The following PTPRJ variants were observed in gnomAD, a reference collection of about 807,000 sequenced individuals.
PTPRJ encodes receptor-type tyrosine-protein phosphatase eta.
A neutral mutation model predicts 141.3 loss-of-function variants in PTPRJ; 129 were observed. The ratio of observed to expected loss-of-function variants is 0.91; its 90% CI spans 0.79 to 1.06. The LOEUF (loss-of-function observed/expected upper bound fraction) is 1.06, where lower values mean the gene tolerates loss of function less well. PTPRJ is among the 50% of genes least tolerant of loss of function. PTPRJ has a pLI of 0.00. For synonymous variants in PTPRJ, 610 were observed against 640.5 expected, an observed-to-expected ratio of 0.95 and a Z score of 0.72; for missense variants, 1,601 against 1,679.7, an observed-to-expected ratio of 0.95 and a Z score of 0.82.
rs200185493 is a variant in PTPRJ at position 48,143,029 on chromosome 11, G to A, written c.2554G>A (p.Val852Ile). 6.2e-7 allele frequency: 1 copy of A among 1,614,138 alleles called. No homozygotes were observed. Among genetic ancestry groups the A allele is most frequent in the South Asian group, 1.1e-5 (1 of 91,074 alleles). Residue 852 changes from valine to isoleucine, a missense_variant, in exon 12 of 25, where the codon GTC becomes ATC. Coordinates refer to ENST00000418331, the MANE Select transcript of PTPRJ (RefSeq NM_002843.4). The stretch of plus-strand genomic sequence containing the variant: ...CCACGGACCCATCAAAGCCTATGCT[G>A]TCATTCTCACCACCGGGGAAGGTAA... ...ASHGPIKAYA[V>I]ILTTGEAGHP...
At chr11:48,149,789 A>G in intron 16 of PTPRJ, 1 of 572,858 alleles carries the variant, frequency 1.7e-6, no homozygotes, top group South Asian at 2.4e-5. Context: ...AAGTCACAAA[A>G]CCAATTAGTT....
At chr11:48,028,517 G>A (rs1020804437) in intron 1 of PTPRJ, among the ~76,000 whole-genome samples, 4 of 152,164 alleles carry the variant, frequency 2.6e-5, no homozygotes, top group African/African-American at 9.7e-5. Flanking sequence ...GCTGCTGGGC[G>A]TGGTGGCTCA....
At chr11:48,029,267 TG>T (rs1853915790) in intron 1 of PTPRJ, among the ~76,000 whole-genome samples, 1 of 152,244 alleles carries the variant, frequency 6.6e-6, no homozygotes, top group Non-Finnish European at 1.5e-5. Flanking sequence ...CATTGCATAT[TG>T]GTTCAATTAC....
intron 1 of PTPRJ, among the ~76,000 whole-genome samples, chr11:47,997,256 C>G (rs1461604593): frequency 6.6e-6 from 1 of 152,232 alleles, no homozygotes. Context: ...GCAAACTACC[C>G]TTGCTGTAGG....
chr11:47,994,173 TA>T (rs1209531946), intron 1 of PTPRJ, among the ~76,000 whole-genome samples: 4 of 151,536 alleles, frequency 2.6e-5, no homozygotes, highest in Non-Finnish European at 5.9e-5. Flanking sequence ...TTTTTTTTTT[TA>T]ATATAAAAAA....
intron 1 of PTPRJ, among the ~76,000 whole-genome samples, chr11:48,013,012 G>A (rs964343268): frequency 6.7e-6 from 1 of 150,342 alleles, no homozygotes; most frequent in Admixed American, 6.7e-5. Context: ...GGTGGAGACA[G>A]GAGAATTTCT....
chr11:47,986,664 G>A (rs919687585), intron 1 of PTPRJ, among the ~76,000 whole-genome samples: 7 of 152,090 alleles, frequency 4.6e-5, no homozygotes, highest in African/African-American at 1.2e-4. Flanking sequence ...CTACAGGCAC[G>A]CTCCGTCATG....
At chr11:48,054,275 G>A (rs1165703630) in intron 1 of PTPRJ, among the ~76,000 whole-genome samples, 1 of 152,134 alleles carries the variant, frequency 6.6e-6, no homozygotes, top group African/African-American at 2.4e-5. Context: ...ACATGTCTGG[G>A]GCTAGACTTG....
At chr11:48,164,609 C>A in intron 24 of PTPRJ, 94 bp downstream of exon 24, 1 of 1,317,260 alleles carries the variant, frequency 7.6e-7, no homozygotes. Flanking sequence ...CTCTGTCGCC[C>A]AGGCTGGAGT....
intron 1 of PTPRJ, among the ~76,000 whole-genome samples, chr11:48,006,477 A>C (rs1219210470): frequency 6.6e-6 from 1 of 152,132 alleles, no homozygotes; most frequent in Non-Finnish European, 1.5e-5. Context: ...GAAGCTCTGA[A>C]CCCTGCAAAA....
Position 48,123,871 on chromosome 11 carries a change from G to A in PTPRJ, c.874+1G>A. On this transcript the variant is annotated splice_donor_variant, in intron 5 of 24. Transcript: ENST00000418331. LOFTEE classifies it high-confidence loss of function. ...CCCTTGGGCACAGAAGGTGGCTTGG[G>A]TGAGTTACAAAGGGTACCTTCCGTC... The A allele has an allele frequency of 1.2e-6, 2 of 1,613,398 alleles. No individual in the cohort carries two copies. Among genetic ancestry groups the A allele is most frequent in the Non-Finnish European group, 1.7e-6 (2 of 1,179,528 alleles).
intron 15 of PTPRJ, among the ~76,000 whole-genome samples, chr11:48,148,127 G>C (rs1489158006): frequency 6.6e-6 from 1 of 152,196 alleles, no homozygotes; most frequent in African/African-American, 2.4e-5. Flanking sequence ...TCACAGGCGT[G>C]AGCCCCTGTG....
At chr11:48,144,327 G>T (rs997351166) in intron 12 of PTPRJ, among the ~76,000 whole-genome samples, 1 of 152,230 alleles carries the variant, frequency 6.6e-6, no homozygotes, top group African/African-American at 2.4e-5. Flanking sequence ...GTGCTGGCCT[G>T]TGATTAGATG....
At chr11:48,047,408 G>T (rs1374709841) in intron 1 of PTPRJ, among the ~76,000 whole-genome samples, 2 of 152,150 alleles carry the variant, frequency 1.3e-5, no homozygotes, top group African/African-American at 4.8e-5. Context: ...GAGGGTCTCT[G>T]CCTGCTGCAG....
intron 15 of PTPRJ, among the ~76,000 whole-genome samples, chr11:48,147,656 A>G (rs1363477468): frequency 3.3e-5 from 5 of 152,272 alleles, no homozygotes; most frequent in African/African-American, 1.2e-4. Context: ...ACTTCATGGC[A>G]CGCCCTCTTG....
chr11:47,981,468 C>A (rs1214303945), intron 1 of PTPRJ, among the ~76,000 whole-genome samples: 1 of 152,104 alleles, frequency 6.6e-6, no homozygotes, highest in East Asian at 1.9e-4. Context: ...GCGGCGGGGG[C>A]GACAGGGCAG....
At chr11:47,984,750 G>C (rs899204766) in intron 1 of PTPRJ, among the ~76,000 whole-genome samples, 5 of 151,968 alleles carry the variant, frequency 3.3e-5, no homozygotes, top group Non-Finnish European at 5.9e-5. Flanking sequence ...GTAGAGATGG[G>C]GTTTCACCAT....
Position 48,098,517 on chromosome 11 carries a change from CTTTTTTTT to C in PTPRJ, c.97-11527_97-11520del, listed in dbSNP as rs762125208. ...ACCCACATTTCAAATCATTTTATCT[CTTTTTTTT>C]TTTTTTTTTTTTTGAGACGGAGTTT... On this transcript the variant is annotated intron_variant, in intron 1 of 24. Coordinates refer to ENST00000418331, the MANE Select transcript of PTPRJ (RefSeq NM_002843.4). Among the ~76,000 whole-genome samples, 2 of 36,340 alleles carry C rather than the reference CTTTTTTTT, an allele frequency of 5.5e-5. 1 individual carries two copies. The highest frequency in any genetic ancestry group is 1.5e-4 in the Non-Finnish European group (2 of 13,566). 23.8% of individuals were successfully genotyped at this position (36,340 alleles called of 152,430 possible). A position where few individuals can be genotyped will look rare whatever the true frequency, so the allele number is the denominator to read the frequency against.
chr11:47,991,507 T>C (rs1854192493), intron 1 of PTPRJ, among the ~76,000 whole-genome samples: 1 of 152,178 alleles, frequency 6.6e-6, no homozygotes, highest in African/African-American at 2.4e-5. Context: ...TTGCCACCTG[T>C]TTCCACGGCA....
Sources: gnomAD v4.1 joint callset for allele counts (sites outside exome capture counted in the v4.1 genomes callset) on GRCh38, gnomAD v4.1.1 for gene constraint, MANE v1.5 for transcripts, NCBI Gene and HGNC (gene_info 2026-07-23, HGNC 2026-07-21) for gene names.